The following BBS9 variants were observed in gnomAD, a reference collection of about 807,000 sequenced individuals.
The protein encoded by BBS9 is protein PTHB1.
BBS9 carries 89 observed loss-of-function variants against 117.7 expected under a neutral mutation model. The observed-to-expected ratio is 0.76, with a 90% CI of 0.64 to 0.90. The LOEUF (loss-of-function observed/expected upper bound fraction) is 0.90. Ranked by LOEUF, BBS9 falls within the 40% of genes least tolerant of loss-of-function variation. BBS9 has a pLI of 0.00. For missense variants in BBS9, 982 were observed against 1,042.2 expected, an observed-to-expected ratio of 0.94 and a Z score of 0.80; for synonymous variants, 379 against 370.9, an observed-to-expected ratio of 1.02 and a Z score of -0.25.
At chr7:33,469,338 G>A (rs1840652685) in intron 19 of BBS9, among the ~76,000 whole-genome samples, 1 of 152,148 alleles carries the variant, frequency 6.6e-6, no homozygotes, top group Non-Finnish European at 1.5e-5. Flanking sequence ...GAAGTAGTCA[G>A]TAAAATCAGT....
chr7:33,386,217 G>C (rs1825984168), intron 18 of BBS9, among the ~76,000 whole-genome samples: 1 of 152,002 alleles, frequency 6.6e-6, no homozygotes, highest in Admixed American at 6.6e-5. Context: ...CTTTAAAAAA[G>C]TTAAAATTTC....
chr7:33,541,889 T>C (rs1213702495), intron 21 of BBS9, among the ~76,000 whole-genome samples: 1 of 152,194 alleles, frequency 6.6e-6, no homozygotes, highest in Non-Finnish European at 1.5e-5. Context: ...ATGACTATAC[T>C]AAAAACCATT....
At chr7:33,353,313 C>T (rs1354192369) in intron 15 of BBS9, among the ~76,000 whole-genome samples, 1 of 152,078 alleles carries the variant, frequency 6.6e-6, no homozygotes, top group East Asian at 1.9e-4. Context: ...TGTGTGTGTT[C>T]GCTCTGTGGG....
chr7:33,399,603 C>T (rs185170518), intron 19 of BBS9, among the ~76,000 whole-genome samples: 10 of 152,126 alleles, frequency 6.6e-5, no homozygotes, highest in Admixed American at 3.3e-4. Context: ...GTTTATTGTA[C>T]CTGCATAATT....
At chr7:33,396,543 A>C (rs979655327) in intron 19 of BBS9, among the ~76,000 whole-genome samples, 1 of 152,158 alleles carries the variant, frequency 6.6e-6, no homozygotes. Context: ...GAATGCATGG[A>C]TAGGAAGAAT....
chr7:33,497,087 T>C (rs1226603100), intron 19 of BBS9, among the ~76,000 whole-genome samples: 1 of 152,176 alleles, frequency 6.6e-6, no homozygotes, highest in African/African-American at 2.4e-5. Flanking sequence ...AGTGCGCCTT[T>C]CCAACCAAAG....
chr7:33,191,944 C>T (rs1337929133), intron 5 of BBS9, among the ~76,000 whole-genome samples: 1 of 150,054 alleles, frequency 6.7e-6, no homozygotes, highest in South Asian at 2.1e-4. Flanking sequence ...AACATATGTA[C>T]CGGTAAAAAA....
chr7:33,521,967 G>A lies in BBS9; in HGVS notation c.2299-11987G>A, dbSNP rs373751691. Among the ~76,000 whole-genome samples the A allele has an allele frequency of 1.0e-4, 14 of 139,414 alleles. No individual in the cohort carries two copies. In the East Asian group the frequency reaches 1.7e-3, roughly 17 times the overall value. 91.5% of individuals were successfully genotyped at this position (139,414 alleles called of 152,430 possible). A position where few individuals can be genotyped will look rare whatever the true frequency, so the allele number is the denominator to read the frequency against. Reference sequence around the variant, plus strand: ...TGTGTCCATGTGATCTCATTGTTCAGTTCCCACCTATGAGTGAGAATATGC... The same window carrying A: ...TGTGTCCATGTGATCTCATTGTTCAATTCCCACCTATGAGTGAGAATATGC... On this transcript the variant is annotated intron_variant, in intron 20 of 22. Coordinates refer to ENST00000242067, the MANE Select transcript of BBS9 (RefSeq NM_198428.3).
intron 21 of BBS9, among the ~76,000 whole-genome samples, chr7:33,616,079 A>G (rs1027009713): frequency 3.1e-4 from 47 of 152,056 alleles, no homozygotes; most frequent in African/African-American, 1.1e-3. Flanking sequence ...GGAAAATAAT[A>G]TAGGTTAGAA....
chr7:33,539,161 G>A (rs1457624906), intron 21 of BBS9, among the ~76,000 whole-genome samples: 1 of 152,164 alleles, frequency 6.6e-6, no homozygotes, highest in Non-Finnish European at 1.5e-5. Context: ...ACAGGTGTGA[G>A]TTTCCAGCCC....
chr7:33,315,983 C>T (rs1011338328), intron 9 of BBS9, among the ~76,000 whole-genome samples: 9 of 152,080 alleles, frequency 5.9e-5, no homozygotes, highest in Non-Finnish European at 1.0e-4. Context: ...AATTTACATA[C>T]ATTGAAAGAT....
chr7:33,363,311 C>G (rs12536596), intron 16 of BBS9, among the ~76,000 whole-genome samples: 28,002 of 152,090 alleles, frequency 0.18, 3,471 homozygotes, highest in Admixed American at 0.33. Flanking sequence ...CCATATTGGT[C>G]AGGGTGGTCT....
rs1401159616 is a variant in BBS9, at chr7:33,604,973, CT to C, written c.2631del (p.Glu878LysfsTer66). Reference protein sequence around the residue: ...HRHLTAETPRPEVSPLQGVSE With the variant: ...HRHLTAETPRXEVSPLQGVSE ...CATCTCACTGCAGAGACACCCAGGC[CT>C]GGTAAGAGACTGGATGGCCTTCACA... On this transcript the variant is annotated frameshift_variant and splice_region_variant, in exon 22 of 23. Coordinates refer to ENST00000242067, the MANE Select transcript of BBS9 (RefSeq NM_198428.3). LOFTEE classifies it high-confidence loss of function. The C allele has an allele frequency of 6.2e-7, 1 of 1,604,262 alleles. No individual in the cohort carries two copies. Among genetic ancestry groups the C allele is most frequent in the Admixed American group, 1.7e-5 (1 of 59,954 alleles).
chr7:33,429,528 T>C (rs1478493152), intron 19 of BBS9, among the ~76,000 whole-genome samples: 1 of 152,186 alleles, frequency 6.6e-6, no homozygotes, highest in African/African-American at 2.4e-5. Flanking sequence ...CAGTATGGCT[T>C]GGTGAAAATA....
At chr7:33,137,209 C>T (rs1023933653) in intron 1 of BBS9, among the ~76,000 whole-genome samples, 1 of 152,176 alleles carries the variant, frequency 6.6e-6, no homozygotes, top group Non-Finnish European at 1.5e-5. Context: ...CGGGTTGCGA[C>T]AGCACCTGGG....
intron 19 of BBS9, among the ~76,000 whole-genome samples, chr7:33,501,192 G>A (rs1361424713): frequency 1.3e-5 from 2 of 152,168 alleles, no homozygotes; most frequent in Non-Finnish European, 1.5e-5. Context: ...CTAGGCCTTG[G>A]TCTCAGAGAT....
At chr7:33,526,491 A>G (rs1849520095) in intron 20 of BBS9, among the ~76,000 whole-genome samples, 1 of 150,792 alleles carries the variant, frequency 6.6e-6, no homozygotes, top group Non-Finnish European at 1.5e-5. Flanking sequence ...GCTTCATTTC[A>G]TTCATTTCAT....
chr7:33,409,101 A>C (rs976597822), intron 19 of BBS9, among the ~76,000 whole-genome samples: 1 of 151,812 alleles, frequency 6.6e-6, no homozygotes, highest in Non-Finnish European at 1.5e-5. Context: ...CTCATTCTTT[A>C]GGTTGTATGT....
At chr7:33,575,362 A>C (rs1858618661) in intron 21 of BBS9, among the ~76,000 whole-genome samples, 1 of 152,186 alleles carries the variant, frequency 6.6e-6, no homozygotes, top group African/African-American at 2.4e-5. Flanking sequence ...AACCAGGAAG[A>C]AGTTGAATCT....
Sources: allele counts gnomAD v4.1 joint callset (sites outside exome capture counted in the v4.1 genomes callset), GRCh38; gene constraint gnomAD v4.1.1; transcripts MANE v1.5; gene names NCBI Gene and HGNC (gene_info 2026-07-23, HGNC 2026-07-21).